HDAC11: variants seen among roughly 807,000 people sequenced by gnomAD.
HDAC11 encodes the protein histone deacetylase 11.
HDAC11 carries 23 observed loss-of-function variants against 41.1 expected under a neutral mutation model. The observed-to-expected ratio is 0.56, with a 90% CI of 0.40 to 0.79. The LOEUF is 0.79. HDAC11 is among the 30% of genes least tolerant of loss of function. The probability of loss-of-function intolerance (pLI) is 0.00; values close to 1 mark genes in which losing one functional copy is unlikely to be tolerated. For synonymous variants in HDAC11, 187 were observed against 186.6 expected (o/e 1.00, Z -0.02); for missense variants, 402 against 477.3 (o/e 0.84, Z 1.47).
intron 4 of HDAC11, among the ~76,000 whole-genome samples, chr3:13,497,380 T>C (rs1170820612): frequency 6.6e-6 from 1 of 152,108 alleles, no homozygotes; most frequent in Admixed American, 6.6e-5. Flanking sequence ...GGTTTTACCA[T>C]GTTGGCCAGG....
In HDAC11 at chr3:13,496,768, C is replaced by T. The variant is rs1180137220; in HGVS notation, c.285C>T (p.Ile95=). 6 of 1,604,286 alleles carry T rather than the reference C, an allele frequency of 3.7e-6. No individual in the cohort carries two copies. Among genetic ancestry groups the T allele is most frequent in the African/African-American group, 1.3e-5 (1 of 74,564 alleles). ...TTGCTGTTGCTACCATCACAGAAAT[C>T]CCCCCCGTTATCTTCCTCCCCAACT... The part of the protein sequence containing the change: ...WSFAVATITE[I]PPVIFLPNFL... The change falls in exon 4 of 10, where the codon ATC becomes ATT. Residue 95 remains isoleucine (I), a synonymous_variant. Transcript: ENST00000295757.
intron 3 of HDAC11, among the ~76,000 whole-genome samples, chr3:13,492,214 C>T (rs1348685461): frequency 6.6e-6 from 1 of 152,220 alleles, no homozygotes; most frequent in East Asian, 1.9e-4. Context: ...GGTTGCCCTG[C>T]CCAGAAGCAT....
intron 2 of HDAC11, among the ~76,000 whole-genome samples, chr3:13,482,224 G>A (rs1701355999): frequency 6.6e-6 from 1 of 152,210 alleles, no homozygotes; most frequent in African/African-American, 2.4e-5. Context: ...TTGTAATCAA[G>A]GGGCCTGATT....
At chr3:13,488,969 G>T (rs1042938551) in intron 3 of HDAC11, among the ~76,000 whole-genome samples, 5 of 151,936 alleles carry the variant, frequency 3.3e-5, no homozygotes, top group African/African-American at 1.2e-4. Context: ...ATGTGAAGTG[G>T]TATCTCATGG....
At chr3:13,481,447 T>C in intron 2 of HDAC11, 53 bp downstream of exon 2, 1 of 1,592,544 alleles carries the variant, frequency 6.3e-7, no homozygotes, top group South Asian at 1.1e-5. Context: ...CCACCTGTCC[T>C]CTCCGTCCTC....
rs529083464 is a variant in HDAC11, at chr3:13,488,593, TGTATCA to T, written c.252+5033_252+5038del. On this transcript the variant is annotated intron_variant, in intron 3 of 9. Coordinates refer to ENST00000295757, the MANE Select transcript of HDAC11 (RefSeq NM_024827.4). ...CATTCATCTGTGTTGTGTTGTAGCA[TGTATCA>T]GTACTTCATTCCTTTTCACAGCAGA... 3.2e-4 allele frequency among the ~76,000 whole-genome samples: 48 copies of T among 152,364 alleles called. No homozygotes were observed. In the East Asian group the frequency reaches 9.1e-3, roughly 29 times the overall value.
chr3:13,490,650 T>A (rs1236094848), intron 3 of HDAC11, among the ~76,000 whole-genome samples: 1 of 152,000 alleles, frequency 6.6e-6, no homozygotes, highest in African/African-American at 2.4e-5. Context: ...ATTGCTGGTA[T>A]ATACAATAAT....
At chr3:13,483,432 G>A (rs544758103) in intron 2 of HDAC11, 32 bp from the exon 3 acceptor site, 1 of 1,593,154 alleles carries the variant, frequency 6.3e-7, no homozygotes, top group South Asian at 1.1e-5. Context: ...TGAGGTCAGT[G>A]GGGAAGCAGG....
chr3:13,485,702 T>A (rs1701526873), intron 3 of HDAC11, among the ~76,000 whole-genome samples: 1 of 151,926 alleles, frequency 6.6e-6, no homozygotes, highest in South Asian at 2.1e-4. Context: ...GCAGGAGACC[T>A]TGAGCCCAGG....
chr3:13,495,554 T>C (rs2733168), intron 3 of HDAC11, among the ~76,000 whole-genome samples: 129,130 of 152,116 alleles, frequency 0.85, 55,032 homozygotes, highest in African/African-American at 0.93. Context: ...ATGCTTCCTC[T>C]CTAGGGCTGC....
At chr3:13,501,131 A>G (rs1702344328) in intron 6 of HDAC11, among the ~76,000 whole-genome samples, 1 of 152,218 alleles carries the variant, frequency 6.6e-6, no homozygotes, top group South Asian at 2.1e-4. Context: ...GGAAAGAATG[A>G]TGGTGCTGAT....
chr3:13,501,760 C>A, intron 6 of HDAC11, 111 bp from the exon 7 acceptor site: 1 of 935,052 alleles, frequency 1.1e-6, no homozygotes, highest in Non-Finnish European at 1.8e-6. Context: ...CCTGATTACC[C>A]ACAAGCATTA....
At position 13,504,691 on chromosome 3, in the gene HDAC11, T is replaced by TGCCCTGCCTGTCACGTG. The variant is rs766634210; in HGVS notation, c.*18_*34dup. 3.1e-6 allele frequency: 5 copies of TGCCCTGCCTGTCACGTG among 1,611,128 alleles called. No individual in the cohort carries two copies. The East Asian group carries it at 1.1e-4, about 36-fold the overall frequency. On this transcript the variant is annotated 3_prime_UTR_variant, in exon 10 of 10. Transcript: ENST00000295757. Reference sequence around the variant, plus strand: ...CCCCCTGCAGTGCCCTGACCCTTGCTGCCCTGCCTGTCACGTGGCCCTGCC... The same window carrying TGCCCTGCCTGTCACGTG: ...CCCCCTGCAGTGCCCTGACCCTTGCTGCCCTGCCTGTCACGTGGCCCTGCCTGTCACGTGGCCCTGCC...
intron 7 of HDAC11, 28 bp downstream of exon 7, chr3:13,501,961 T>C: frequency 6.2e-7 from 1 of 1,600,326 alleles, no homozygotes; most frequent in African/African-American, 1.3e-5. Flanking sequence ...GCTGGACTCT[T>C]AGGGGACCTG....
At position 13,481,286 on chromosome 3, in the gene HDAC11, C is replaced by T; in HGVS notation, c.43C>T (p.Arg15Cys). Residue 15 changes from arginine to cysteine, a missense_variant, in exon 2 of 10, where the codon CGC becomes TGC. Physicochemically the swap from Arg to Cys is radical, Grantham distance 180 (BLOSUM62 -3). Coordinates refer to ENST00000295757, the MANE Select transcript of HDAC11 (RefSeq NM_024827.4). ...GCTGTACCAGCATGTGCCAGAGACA[C>T]GCTGGCCAATCGTGTACTCGCCGCG... is the stretch of plus-strand genomic sequence containing the variant. ...TQLYQHVPET[R>C]WPIVYSPRYN... 5 of 1,612,722 alleles carry T rather than the reference C, an allele frequency of 3.1e-6. No homozygotes were observed. Among genetic ancestry groups the T allele is most frequent in the Non-Finnish European group, 4.2e-6 (5 of 1,180,002 alleles).
At chr3:13,485,592 C>A (rs1229214000) in intron 3 of HDAC11, among the ~76,000 whole-genome samples, 1 of 152,156 alleles carries the variant, frequency 6.6e-6, no homozygotes, top group Non-Finnish European at 1.5e-5. Context: ...GCCTTGGTCC[C>A]CCAAAAGCCT....
At chr3:13,496,010 C>T (rs1043707137) in intron 3 of HDAC11, among the ~76,000 whole-genome samples, 5 of 152,240 alleles carry the variant, frequency 3.3e-5, no homozygotes, top group Non-Finnish European at 5.9e-5. Context: ...GTGGCTCTGC[C>T]TCGCGTGGGT....
In HDAC11 at chr3:13,504,809, G is replaced by A. The variant is rs1485715962; in HGVS notation, c.*126G>A. 7.0e-6 allele frequency: 6 copies of A among 854,072 alleles called. No individual in the cohort carries two copies. Among genetic ancestry groups the A allele is most frequent in the South Asian group, 1.6e-5 (1 of 62,590 alleles). The allele number at this position is 854,072 out of a possible 1,614,324, so 52.9% of individuals were successfully genotyped here. ...GGAGGGGCAGGGCCATCCCTGGCTG[G>A]GGCCTGGAGCTGGCCCTTCCTCTAC... On this transcript the variant is annotated 3_prime_UTR_variant, in exon 10 of 10. Transcript: ENST00000295757.
chr3:13,492,119 T>G (rs1701892699), intron 3 of HDAC11, among the ~76,000 whole-genome samples: 1 of 152,060 alleles, frequency 6.6e-6, no homozygotes, highest in Non-Finnish European at 1.5e-5. Flanking sequence ...GCGGGCAGAG[T>G]GAGCAGCTGA....
Sources: allele counts gnomAD v4.1 joint callset (sites outside exome capture counted in the v4.1 genomes callset), GRCh38; gene constraint gnomAD v4.1.1; transcripts MANE v1.5; gene names NCBI Gene and HGNC (gene_info 2026-07-23, HGNC 2026-07-21).